GIT2: variants seen among roughly 807,000 people sequenced by gnomAD.
GIT2 encodes GIT ArfGAP 2, also known as ARF GTPase-activating protein GIT2.
Under a neutral mutation model 100.3 loss-of-function variants are expected in GIT2, and 32 were observed. The ratio of observed to expected loss-of-function variants is 0.32; its 90% CI spans 0.24 to 0.43. The LOEUF (loss-of-function observed/expected upper bound fraction) is 0.43, where lower values mean the gene tolerates loss of function less well. GIT2 is among the 20% of genes least tolerant of loss of function. The pLI is 1.00. For missense variants in GIT2, 737 were observed against 975.1 expected (o/e 0.76, Z 3.25); for synonymous variants, 353 against 364.1 (o/e 0.97, Z 0.35).
intron 1 of GIT2, among the ~76,000 whole-genome samples, chr12:109,995,100 C>A (rs1197026201): frequency 1.3e-5 from 2 of 152,164 alleles, no homozygotes; most frequent in Admixed American, 6.6e-5. Flanking sequence ...GTTTATCGGA[C>A]ACTATTGTGC....
rs1438211307 is a variant in GIT2, at chr12:109,951,287, T to G, written c.1272A>C (p.Pro424=). 1 of 1,611,588 alleles carries G rather than the reference T, an allele frequency of 6.2e-7. No homozygotes were observed. Among genetic ancestry groups the G allele is most frequent in the African/African-American group, 1.3e-5 (1 of 74,892 alleles). Residue 424 remains proline, a synonymous_variant, in exon 14 of 20, where the codon CCA becomes CCC. Transcript: ENST00000355312. ...KSLDSDLSDG[P]VTVQEFMEVK... is the part of the protein sequence containing the mutation. The stretch of plus-strand genomic sequence containing the variant: ...CCTCCATAAATTCCTGTACAGTGAC[T>G]GGTCCATCTGATAAATCTGAATCTA...
At chr12:109,937,638 C>T (rs184460947) in intron 18 of GIT2, among the ~76,000 whole-genome samples, 6 of 152,308 alleles carry the variant, frequency 3.9e-5, no homozygotes, top group Admixed American at 1.3e-4. Context: ...AACCACAGGA[C>T]GTGCTTCTAG....
intron 7 of GIT2, among the ~76,000 whole-genome samples, chr12:109,977,697 G>A (rs1160120320): frequency 6.6e-6 from 1 of 151,628 alleles, no homozygotes; most frequent in African/African-American, 2.4e-5. Flanking sequence ...TGGCAGGCAC[G>A]TGTAATCCCA....
At chr12:109,985,091 G>C (rs1407560176) in intron 4 of GIT2, among the ~76,000 whole-genome samples, 1 of 152,006 alleles carries the variant, frequency 6.6e-6, no homozygotes, top group Admixed American at 6.6e-5. Flanking sequence ...CCTTATCACA[G>C]GAATGAAGAA....
chr12:109,953,099 C>A lies in GIT2; in HGVS notation c.1235G>T (p.Arg412Leu). ...GGACGCATGGCCTCTCACCTTCTGC[C>A]GGTTTGTTTTGCTTGCAGTGGTTTC... ...DLETTASKTN[R>L]QKSLDSDLSD... The change falls in exon 13 of 20, where the codon CGG becomes CTG. Residue 412 changes from arginine (R) to leucine (L), a missense_variant. By Grantham distance (102) the Arg-to-Leu change is moderately radical. Transcript: ENST00000355312. The A allele has an allele frequency of 6.2e-7, 1 of 1,614,016 alleles. No homozygotes were observed. The highest frequency in any genetic ancestry group is 2.2e-5 in the East Asian group (1 of 44,880).
rs1177236359 is a variant in GIT2, at chr12:109,932,240, G to A, written c.*738C>T. ...AGCACCTGACAATGGGTGGTGATGT[G>A]CGTGGAGCTCCTACCCTGAACATGG... On this transcript the variant is annotated 3_prime_UTR_variant, in exon 20 of 20. Coordinates refer to ENST00000355312, the MANE Select transcript of GIT2 (RefSeq NM_057169.5). The A allele has an allele frequency of 6.6e-6, 1 of 152,264 alleles. No individual in the cohort carries two copies. Among genetic ancestry groups the A allele is most frequent in the Admixed American group, 6.5e-5 (1 of 15,268 alleles). The allele number at this position is 152,264 out of a possible 1,614,324, so 9.4% of individuals were successfully genotyped here.
Position 109,945,289 on chromosome 12 carries a change from A to C in GIT2, c.1702T>G (p.Ser568Ala). ...SSLPSFPSTL[S>A]WSRDESARRA... ...CGGGCGCTTTCGTCCCTCGACCAGG[A>C]AAGTGTGGAGGGGAAGGAAGGCAGA... is the stretch of plus-strand genomic sequence containing the variant. Residue 568 changes from serine to alanine, a missense_variant, in exon 16 of 20, where the codon TCC becomes GCC. By Grantham distance (99) the Ser-to-Ala change is moderately conservative (BLOSUM62 1). This residue lies in a region of GIT2 where 451 missense variants were observed against 543.7 expected (regional missense o/e 0.83). Coordinates refer to ENST00000355312, the MANE Select transcript of GIT2 (RefSeq NM_057169.5). The C allele has an allele frequency of 1.9e-6, 3 of 1,579,342 alleles. No homozygotes were observed. Among genetic ancestry groups the C allele is most frequent in the African/African-American group, 1.3e-5 (1 of 74,414 alleles).
At chr12:109,942,103 G>A (rs1485461357) in intron 16 of GIT2, among the ~76,000 whole-genome samples, 1 of 152,128 alleles carries the variant, frequency 6.6e-6, no homozygotes. Context: ...GGGATTATAG[G>A]TGTTAGCCAC....
chr12:109,981,282 A>G (rs1886268883), intron 6 of GIT2: 1 of 421,374 alleles, frequency 2.4e-6, no homozygotes, highest in African/African-American at 2.0e-5. Context: ...AGAATATTTA[A>G]TAAGAAATTC....
At chr12:109,963,538 T>C (rs558395735) in intron 9 of GIT2, among the ~76,000 whole-genome samples, 59 of 152,348 alleles carry the variant, frequency 3.9e-4, no homozygotes, top group Non-Finnish European at 5.4e-4. Context: ...GCAGAGAAGA[T>C]AGTAGCTTGC....
Position 109,965,708 on chromosome 12 carries a change from A to C in GIT2, c.765-131T>G, listed in dbSNP as rs1565977976. 5.1e-6 allele frequency: 4 copies of C among 777,390 alleles called. No individual in the cohort carries two copies. The East Asian group carries it at 9.9e-5, about 19-fold the overall frequency. 48.2% of individuals were successfully genotyped at this position (777,390 alleles called of 1,614,324 possible). A position where few individuals can be genotyped will look rare whatever the true frequency, so the allele number is the denominator to read the frequency against. On this transcript the variant is annotated intron_variant, in intron 8 of 19. Transcript: ENST00000355312. ...ACCATGTTAGAACCAAGCATTCTAC[A>C]GCCCAGTAGAGTCAGTGAGGAGCTC...
intron 4 of GIT2, chr12:109,983,919 G>A (rs749572514): frequency 8.4e-5 from 41 of 486,122 alleles, no homozygotes; most frequent in Non-Finnish European, 2.2e-5. Context: ...GGCTGTGAAG[G>A]CTGACTTGCC....
chr12:109,932,719 T>C lies in GIT2; in HGVS notation c.*259A>G, dbSNP rs1490253014. ...CAATGAAACTATACTTTTGGATGTA[T>C]GTGATCAACTCAACAGTTGTTGACA... is the stretch of plus-strand genomic sequence containing the variant. On this transcript the variant is annotated 3_prime_UTR_variant, in exon 20 of 20. Coordinates refer to ENST00000355312, the MANE Select transcript of GIT2 (RefSeq NM_057169.5). 5.2e-6 allele frequency: 2 copies of C among 383,174 alleles called. No homozygotes were observed. The highest frequency in any genetic ancestry group is 2.0e-5 in the African/African-American group (1 of 49,232). 23.7% of individuals were successfully genotyped at this position (383,174 alleles called of 1,614,324 possible). A position where few individuals can be genotyped will look rare whatever the true frequency, so the allele number is the denominator to read the frequency against.
chr12:109,986,061 A>G (rs1887321915), intron 4 of GIT2, among the ~76,000 whole-genome samples: 1 of 151,558 alleles, frequency 6.6e-6, no homozygotes, highest in Non-Finnish European at 1.5e-5. Context: ...GCATGATCTC[A>G]GCTCACTGCA....
At chr12:109,970,714 C>G (rs917264187) in intron 7 of GIT2, among the ~76,000 whole-genome samples, 5 of 152,172 alleles carry the variant, frequency 3.3e-5, no homozygotes, top group Non-Finnish European at 5.9e-5. Flanking sequence ...GGGTGCTGTA[C>G]TTCCTTCCAC....
intron 7 of GIT2, among the ~76,000 whole-genome samples, chr12:109,975,771 CTTT>C (rs770898259): frequency 4.9e-5 from 6 of 121,374 alleles, no homozygotes; most frequent in African/African-American, 9.4e-5. Context: ...TCTTTGTAGT[CTTT>C]TTTTTTTTTT....
chr12:109,967,844 G>A (rs549729270), intron 7 of GIT2, among the ~76,000 whole-genome samples: 4 of 152,296 alleles, frequency 2.6e-5, no homozygotes, highest in South Asian at 2.1e-4. Flanking sequence ...ATCAGCCCAC[G>A]GTGTGGGACA....
intron 7 of GIT2, among the ~76,000 whole-genome samples, chr12:109,979,272 C>CTTTTTTTT (rs11338613): frequency 1.2e-5 from 1 of 85,802 alleles, no homozygotes; most frequent in Non-Finnish European, 2.2e-5. Context: ...CAGAAAAAGG[C>CTTTTTTTT]TTTTTTTTTT....
chr12:109,955,886 A>T (rs956101208), intron 12 of GIT2, among the ~76,000 whole-genome samples: 5 of 149,606 alleles, frequency 3.3e-5, no homozygotes, highest in Non-Finnish European at 7.4e-5. Flanking sequence ...GAAAATTTTT[A>T]AATTTTTTGG....
Sources: gnomAD v4.1 joint callset for allele counts (sites outside exome capture counted in the v4.1 genomes callset) on GRCh38, gnomAD v4.1.1 for gene constraint, gnomAD v4.1.1 regional missense constraint, MANE v1.5 for transcripts, NCBI Gene and HGNC (gene_info 2026-07-23, HGNC 2026-07-21) for gene names.